Variants in ADGRV1 observed in about 807,000 individuals in gnomAD.
ADGRV1 encodes adhesion G protein-coupled receptor V1, also known as G-protein coupled receptor 98.
A neutral mutation model predicts 596.2 loss-of-function variants in ADGRV1; 359 were observed. That is an observed-to-expected ratio of 0.60 (90% CI 0.55 to 0.66). ADGRV1 has a LOEUF of 0.66. ADGRV1 is among the 30% of genes least tolerant of loss of function. The pLI is 0.00. For missense variants in ADGRV1, 7,274 were observed against 7,575.6 expected (o/e 0.96, Z 1.48); for synonymous variants, 2,681 against 2,679.2 (o/e 1.00, Z -0.02).
At position 91,035,861 on chromosome 5, in the gene ADGRV1, T is replaced by TATTATATATATA; in HGVS notation, c.18153-36586_18153-36585insATTATATATATA. ...ATGAGTGTGTATATATATATATATA[T>TATTATATATATA]TATATATATATATATATATATCTTA... is the stretch of plus-strand genomic sequence containing the variant. On this transcript the variant is annotated intron_variant, in intron 85 of 89. Coordinates refer to ENST00000405460, the MANE Select transcript of ADGRV1 (RefSeq NM_032119.4). 1.1e-3 allele frequency among the ~76,000 whole-genome samples: 103 copies of TATTATATATATA among 96,382 alleles called. 1 individual carries two copies. The highest frequency in any genetic ancestry group is 5.4e-3 in the Middle Eastern group (1 of 186). The allele number at this position is 96,382 out of a possible 152,430, so 63.2% of individuals were successfully genotyped here. A position where few individuals can be genotyped will look rare whatever the true frequency, so the allele number is the denominator to read the frequency against.
chr5:91,016,768 A>G (rs1783207128), intron 85 of ADGRV1, among the ~76,000 whole-genome samples: 1 of 151,932 alleles, frequency 6.6e-6, no homozygotes, highest in African/African-American at 2.4e-5. Context: ...TCAATTCAAT[A>G]AATATTTTTT....
rs573700720 is a variant in ADGRV1 at position 90,801,924 on chromosome 5, G to A, written c.14518-815G>A. On this transcript the variant is annotated intron_variant, in intron 70 of 89. Coordinates refer to ENST00000405460, the MANE Select transcript of ADGRV1 (RefSeq NM_032119.4). ...AATTTTGAAAATATGTAACACATAG[G>A]ATTAATTTTTATTTATCCAACATAA... 3.2e-4 allele frequency among the ~76,000 whole-genome samples: 49 copies of A among 152,224 alleles called. 1 individual carries two copies. Among genetic ancestry groups the A allele is most frequent in the Non-Finnish European group, 5.4e-4 (37 of 68,014 alleles).
At position 90,829,067 on chromosome 5, in the gene ADGRV1, G is replaced by T. The variant is rs367929904; in HGVS notation, c.16492G>T (p.Val5498Leu). The T allele has an allele frequency of 6.2e-7, 1 of 1,612,772 alleles. No individual in the cohort carries two copies. Among genetic ancestry groups the T allele is most frequent in the Non-Finnish European group, 8.5e-7 (1 of 1,179,226 alleles). Residue 5498 changes from valine to leucine, a missense_variant, in exon 77 of 90, where the codon GTG (valine) becomes TTG (leucine). By Grantham distance (32) the Val-to-Leu change is conservative (BLOSUM62 1). This residue lies in a region of ADGRV1 where 1,874 missense variants were observed against 1,970.2 expected (regional missense o/e 0.95). Transcript: ENST00000405460. ...AGAAAGTGATGAATCTCAAAGCCTT[G>T]TGTATTTTTCTGTGGGTTCTCGGCT... ...ILESDESQSL[V>L]YFSVGSRLAV... is the part of the protein sequence containing the mutation.
At chr5:91,130,014 C>G (rs376540372) in intron 87 of ADGRV1, among the ~76,000 whole-genome samples, 2 of 152,128 alleles carry the variant, frequency 1.3e-5, no homozygotes. Flanking sequence ...TTCTCATAAC[C>G]CTTGCTGCCT....
At chr5:90,694,807 A>G in intron 33 of ADGRV1, 106 bp downstream of exon 33, 1 of 1,073,162 alleles carries the variant, frequency 9.3e-7, no homozygotes, top group Non-Finnish European at 1.3e-6. Context: ...TCTTGTTAAT[A>G]TACAGAAATG....
At chr5:91,082,568 T>C (rs951538866) in intron 86 of ADGRV1, among the ~76,000 whole-genome samples, 1 of 152,206 alleles carries the variant, frequency 6.6e-6, no homozygotes, top group African/African-American at 2.4e-5. Context: ...TCTTCCATTC[T>C]ACTCTTGGGT....
intron 83 of ADGRV1, among the ~76,000 whole-genome samples, chr5:90,894,050 CAA>C (rs1771076024): frequency 6.6e-6 from 1 of 152,126 alleles, no homozygotes; most frequent in African/African-American, 2.4e-5. Context: ...AATAAAGACT[CAA>C]AATATTAATG....
At chr5:91,039,601 G>A (rs1159863955) in intron 85 of ADGRV1, among the ~76,000 whole-genome samples, 2 of 152,180 alleles carry the variant, frequency 1.3e-5, no homozygotes, top group African/African-American at 2.4e-5. Context: ...AAATAAAGAT[G>A]GATGGGCATG....
At chr5:91,150,312 A>G (rs1795946229) in intron 88 of ADGRV1, 91 bp downstream of exon 88, 2 of 1,002,058 alleles carry the variant, frequency 2.0e-6, no homozygotes, top group African/African-American at 3.3e-5. Flanking sequence ...TGTCTGTCTC[A>G]TTGACAGGCT....
At chr5:90,703,003 A>G (rs1450425287) in intron 34 of ADGRV1, among the ~76,000 whole-genome samples, 1 of 152,010 alleles carries the variant, frequency 6.6e-6, no homozygotes, top group Non-Finnish European at 1.5e-5. Context: ...AAGACATGTT[A>G]TGATTTTCTT....
intron 58 of ADGRV1, among the ~76,000 whole-genome samples, chr5:90,761,200 CAAA>C (rs1756477084): frequency 1.3e-5 from 1 of 76,784 alleles, no homozygotes; most frequent in Non-Finnish European, 2.4e-5. Flanking sequence ...TGAAATATAA[CAAA>C]TAAGGATTTG....
At chr5:91,143,433 C>T (rs2126857624) in intron 87 of ADGRV1, among the ~76,000 whole-genome samples, 1 of 152,252 alleles carries the variant, frequency 6.6e-6, no homozygotes, top group South Asian at 2.1e-4. Flanking sequence ...TGAAGAGGAG[C>T]TTTATTGAGT....
At chr5:91,163,708 T>C (rs1464477291) in intron 89 of ADGRV1, 74 bp from the exon 90 acceptor site, 2 of 627,466 alleles carry the variant, frequency 3.2e-6, no homozygotes, top group East Asian at 2.7e-5. Context: ...GGCTTGGACC[T>C]AATGTAAATT....
Position 90,759,581 on chromosome 5 carries a change from A to G in ADGRV1, c.12113A>G (p.Glu4038Gly). The G allele has an allele frequency of 6.2e-7, 1 of 1,612,426 alleles. No homozygotes were observed. The highest frequency in any genetic ancestry group is 8.5e-7 in the Non-Finnish European group (1 of 1,178,698). ...CCATTTGGAGTATTTGGATTTGAAG[A>G]AAAGACTGTAAGTTAAACATATCAG... ...DSPFGVFGFE[E>G]KTVMIDESLS... Residue 4038 changes from glutamate (E) to glycine (G), a missense_variant, in exon 58 of 90, where the codon GAA becomes GGA. Around this residue, in one of 5 missense-constraint regions of ADGRV1, gnomAD observed 3,643 missense variants for 3,809.2 expected, o/e 0.96. Coordinates refer to ENST00000405460, the MANE Select transcript of ADGRV1 (RefSeq NM_032119.4).
At position 90,997,408 on chromosome 5, in the gene ADGRV1, G is replaced by T. The variant is rs532484210; in HGVS notation, c.18152+11886G>T. 2.8e-4 allele frequency among the ~76,000 whole-genome samples: 43 copies of T among 152,192 alleles called. 1 individual carries two copies. Among genetic ancestry groups the T allele is most frequent in the African/African-American group, 1.0e-3 (42 of 41,526 alleles). On this transcript the variant is annotated intron_variant, in intron 85 of 89. Coordinates refer to ENST00000405460, the MANE Select transcript of ADGRV1 (RefSeq NM_032119.4). ...TTCCTGTTCTGGCCATTGAAGACAT[G>T]CCTCCTTCCTCTTCACCTTCTGCCA... is the stretch of plus-strand genomic sequence containing the variant.
At chr5:90,738,619 TG>T (rs1198228168) in intron 50 of ADGRV1, among the ~76,000 whole-genome samples, 1 of 152,166 alleles carries the variant, frequency 6.6e-6, no homozygotes, top group Non-Finnish European at 1.5e-5. Context: ...TTCATTACTT[TG>T]AGTTTATTAT....
chr5:90,718,218 A>T (rs1032786376), intron 43 of ADGRV1: 4 of 152,156 alleles, frequency 2.6e-5, no homozygotes, highest in African/African-American at 9.6e-5. Flanking sequence ...TATTTCGCAT[A>T]TGTGAAATTA....
intron 67 of ADGRV1, 86 bp downstream of exon 67, chr5:90,784,143 C>A (rs1025132705): frequency 1.1e-5 from 9 of 832,920 alleles, no homozygotes; most frequent in Non-Finnish European, 1.3e-5. Flanking sequence ...AAGTATATTT[C>A]TTTATTCACA....
At chr5:91,033,537 T>G (rs867291195) in intron 85 of ADGRV1, among the ~76,000 whole-genome samples, 3 of 152,306 alleles carry the variant, frequency 2.0e-5, no homozygotes, top group Non-Finnish European at 2.9e-5. Flanking sequence ...TCTGATTCCC[T>G]GTTCATGATT....
Sources: allele counts gnomAD v4.1 joint callset (sites outside exome capture counted in the v4.1 genomes callset), GRCh38; gene constraint gnomAD v4.1.1; regional missense constraint gnomAD v4.1.1; transcripts MANE v1.5; gene names NCBI Gene and HGNC (gene_info 2026-07-23, HGNC 2026-07-21).